RPLP2: variants seen among roughly 807,000 people sequenced by gnomAD.
RPLP2 encodes large ribosomal subunit protein P2.
A neutral mutation model predicts 11.5 loss-of-function variants in RPLP2; 1 was observed. That is an observed-to-expected ratio of 0.09 (90% CI 0.03 to 0.41). RPLP2 has a LOEUF of 0.41. Ranked by LOEUF, RPLP2 falls within the 10% of genes least tolerant of loss-of-function variation. The pLI, the probability that RPLP2 is intolerant of heterozygous loss-of-function variation, is 0.98. For missense variants in RPLP2, 177 were observed against 145.6 expected (o/e 1.22, Z -1.11); for synonymous variants, 82 against 55.9 (o/e 1.47, Z -2.08).
intron 2 of RPLP2, among the ~76,000 whole-genome samples, chr11:811,183 A>C (rs1451017676): frequency 2.0e-5 from 3 of 151,986 alleles, no homozygotes; most frequent in Non-Finnish European, 2.9e-5. Context: ...TACAATAAAA[A>C]ATTAGCCAGG....
At chr11:812,710 C>G in intron 4 of RPLP2, 50 bp from the exon 5 acceptor site, 1 of 1,613,088 alleles carries the variant, frequency 6.2e-7, no homozygotes, top group Non-Finnish European at 8.5e-7. Context: ...CATGGGGGGA[C>G]TGGCCTGGCA....
intron 3 of RPLP2, 191 bp from the exon 4 acceptor site, chr11:812,344 G>A (rs1036905155): frequency 1.4e-6 from 1 of 691,782 alleles, no homozygotes; most frequent in African/African-American, 1.8e-5. Flanking sequence ...GGATAGGAAA[G>A]GTGGGGAAGA....
chr11:810,693 T>A (rs959504953), intron 2 of RPLP2, among the ~76,000 whole-genome samples: 1 of 150,572 alleles, frequency 6.6e-6, no homozygotes, highest in African/African-American at 2.5e-5. Flanking sequence ...CTTGGGAGGC[T>A]GAGGCAGGAA....
At chr11:810,136 G>T in intron 1 of RPLP2, 97 bp downstream of exon 1, 3 of 1,343,792 alleles carry the variant, frequency 2.2e-6, no homozygotes, top group Non-Finnish European at 2.9e-6. Flanking sequence ...GGAGGCCTAC[G>T]GGCCGAGCCA....
At chr11:812,504 TG>T (rs1291500595) in intron 3 of RPLP2, 30 bp from the exon 4 acceptor site, 2 of 1,605,588 alleles carry the variant, frequency 1.2e-6, no homozygotes, top group Admixed American at 3.3e-5. Context: ...GCTGGGCAGC[TG>T]CTCTGGTCTC....
At chr11:812,719 C>A (rs776692802) in intron 4 of RPLP2, 41 bp from the exon 5 acceptor site, 1 of 1,612,742 alleles carries the variant, frequency 6.2e-7, no homozygotes, top group South Asian at 1.1e-5. Flanking sequence ...ACTGGCCTGG[C>A]ACTTGGGCAG....
intron 2 of RPLP2, 80 bp from the exon 3 acceptor site, chr11:811,517 C>G: frequency 6.4e-7 from 1 of 1,571,548 alleles, no homozygotes; most frequent in Non-Finnish European, 8.7e-7. Context: ...GGAACCCAGT[C>G]CTGCTGTGAC....
At chr11:811,437 TC>T in intron 2 of RPLP2, 159 bp from the exon 3 acceptor site, 1 of 722,932 alleles carries the variant, frequency 1.4e-6, no homozygotes, top group Non-Finnish European at 2.3e-6. Flanking sequence ...TTATATCACT[TC>T]CCAAGTGAGG....
rs781498380 is a variant in RPLP2 at position 810,211 on chromosome 11, C to T, written c.-1-23C>T. On this transcript the variant is annotated intron_variant, in intron 1 of 4. Transcript: ENST00000321153. The stretch of plus-strand genomic sequence containing the variant: ...GAGGCCGCCGGGGTAACTCCGCCGT[C>T]GCGTCCTCTCCGCCCGCCTCAGGAT... 3.3e-6 allele frequency: 5 copies of T among 1,502,810 alleles called. No individual in the cohort carries two copies. In the South Asian group the frequency reaches 5.0e-5, roughly 15 times the overall value. The allele number at this position is 1,502,810 out of a possible 1,614,324, so 93.1% of individuals were successfully genotyped here.
intron 3 of RPLP2, chr11:812,286 A>G: frequency 1.8e-6 from 1 of 548,950 alleles, no homozygotes. Flanking sequence ...AGGTGGGGAA[A>G]TTGGGCAGGC....
chr11:810,791 G>GAA (rs35176006), intron 2 of RPLP2, among the ~76,000 whole-genome samples: 1 of 116,346 alleles, frequency 8.6e-6, no homozygotes, highest in African/African-American at 3.2e-5. Flanking sequence ...GTCTCAAAAG[G>GAA]AAAAAAAAAA....
At chr11:810,673 A>C (rs1238352532) in intron 2 of RPLP2, among the ~76,000 whole-genome samples, 3 of 151,996 alleles carry the variant, frequency 2.0e-5, no homozygotes, top group Non-Finnish European at 4.4e-5. Context: ...GGGTGCCTGT[A>C]GTCCCCCTAC....
chr11:810,041 T>G lies in RPLP2; in HGVS notation c.-2+2T>G. On this transcript the variant is annotated splice_donor_variant, in intron 1 of 4. Coordinates refer to ENST00000321153, the MANE Select transcript of RPLP2 (RefSeq NM_001004.4). LOFTEE classifies it low-confidence loss of function (5UTR_SPLICE). ...CGCCTCCGCCGCAGACGCCGCCGCGTGAGTGTGGTGACCGGGCCCGGGGTG... is the reference window on the plus strand; with the variant it reads ...CGCCTCCGCCGCAGACGCCGCCGCGGGAGTGTGGTGACCGGGCCCGGGGTG... 19 of 566,260 alleles carry G rather than the reference T, an allele frequency of 3.4e-5. No individual in the cohort carries two copies. Among genetic ancestry groups the G allele is most frequent in the Non-Finnish European group, 4.9e-5 (18 of 366,888 alleles). The allele number at this position is 566,260 out of a possible 1,614,324, so 35.1% of individuals were successfully genotyped here.
At chr11:812,677 CG>C (rs755430692) in intron 4 of RPLP2, 44 bp downstream of exon 4, 26 of 1,612,012 alleles carry the variant, frequency 1.6e-5, no homozygotes, top group Middle Eastern at 1.8e-4. Flanking sequence ...GGGGCTCAGA[CG>C]GTGTTGCTGC....
intron 1 of RPLP2, 25 bp from the exon 2 acceptor site, chr11:810,209 G>C (rs758070555): frequency 6.7e-7 from 1 of 1,497,618 alleles, no homozygotes; most frequent in Non-Finnish European, 8.9e-7. Context: ...TAACTCCGCC[G>C]TCGCGTCCTC....
At chr11:812,655 G>A in intron 4 of RPLP2, 22 bp downstream of exon 4, 1 of 1,611,214 alleles carries the variant, frequency 6.2e-7, no homozygotes. Context: ...CCTGGTGAGT[G>A]GGCAAGGGGC....
chr11:811,537 G>A (rs991300374), intron 2 of RPLP2, 60 bp from the exon 3 acceptor site: 5 of 1,605,884 alleles, frequency 3.1e-6, no homozygotes, highest in East Asian at 2.2e-5. Context: ...CTCTGGGAGG[G>A]AGAGGGCCGG....
intron 2 of RPLP2, among the ~76,000 whole-genome samples, chr11:811,076 C>T (rs191326973): frequency 2.6e-5 from 4 of 151,422 alleles, no homozygotes; most frequent in African/African-American, 9.7e-5. Flanking sequence ...ACTCATGAGG[C>T]TGATGCGGGA....
Position 811,639 on chromosome 11 carries a change from G to T in RPLP2, c.166G>T (p.Ala56Ser), listed in dbSNP as rs900038611. 13 of 1,614,124 alleles carry T rather than the reference G, an allele frequency of 8.1e-6. No homozygotes were observed. The highest frequency in any genetic ancestry group is 1.7e-5 in the Admixed American group (1 of 60,004). Residue 56 changes from alanine to serine, a missense_variant, in exon 3 of 5, where the codon GCC (alanine) becomes TCC (serine). Ala to Ser is a moderately conservative substitution (Grantham distance 99). Coordinates refer to ENST00000321153, the MANE Select transcript of RPLP2 (RefSeq NM_001004.4). ...LNGKNIEDVIAQGIGKLASVP... is the reference protein window; with the variant it reads ...LNGKNIEDVISQGIGKLASVP... ...TGGAAAAAACATTGAAGACGTCATT[G>T]CCCAGGGTGAGTTGATGTGGACGGG...
Sources: allele counts gnomAD v4.1 joint callset (sites outside exome capture counted in the v4.1 genomes callset), GRCh38; gene constraint gnomAD v4.1.1; transcripts MANE v1.5; gene names NCBI Gene and HGNC (gene_info 2026-07-23, HGNC 2026-07-21).